PPP3CA: variants seen among roughly 807,000 people sequenced by gnomAD.
PPP3CA encodes the protein protein phosphatase 3 catalytic subunit alpha, also known as CAM-PRP catalytic subunit.
In PPP3CA, 14 loss-of-function variants were observed where a neutral mutation model predicts 66.5. The observed-to-expected ratio is 0.21, with a 90% CI of 0.14 to 0.33. The LOEUF (loss-of-function observed/expected upper bound fraction) is 0.33. PPP3CA is among the 10% of genes least tolerant of loss of function. PPP3CA has a pLI of 1.00. For missense variants in PPP3CA, 317 were observed against 639.5 expected (o/e 0.50, Z 5.44); for synonymous variants, 232 against 226.2 (o/e 1.03, Z -0.23).
At chr4:101,088,823 G>A (rs897076123) in intron 6 of PPP3CA, among the ~76,000 whole-genome samples, 1 of 152,266 alleles carries the variant, frequency 6.6e-6, no homozygotes, top group African/African-American at 2.4e-5. Flanking sequence ...TTCACAGTGG[G>A]AAAGAGGAAA....
intron 5 of PPP3CA, among the ~76,000 whole-genome samples, chr4:101,095,737 C>T (rs143068576): frequency 0.052 from 7,954 of 152,178 alleles, 752 homozygotes; most frequent in African/African-American, 0.18. Context: ...CAGCAACCTC[C>T]ACCTCCCAGG....
At chr4:101,189,543 G>A (rs149749680) in intron 2 of PPP3CA, among the ~76,000 whole-genome samples, 289 of 151,920 alleles carry the variant, frequency 1.9e-3, no homozygotes, top group East Asian at 0.014. Flanking sequence ...CTGGCACTTC[G>A]TAGCTGGGTA....
intron 8 of PPP3CA, among the ~76,000 whole-genome samples, chr4:101,066,918 A>G (rs1325253574): frequency 6.6e-6 from 1 of 152,156 alleles, no homozygotes; most frequent in African/African-American, 2.4e-5. Context: ...ATCACTCAAG[A>G]CCACCTCCTG....
At chr4:101,298,372 C>T (rs1402638010) in intron 1 of PPP3CA, among the ~76,000 whole-genome samples, 2 of 148,010 alleles carry the variant, frequency 1.4e-5, no homozygotes, top group East Asian at 3.9e-4. Flanking sequence ...TACAGTTGAC[C>T]CTTTAACAAC....
At chr4:101,254,041 A>G (rs1392580496) in intron 1 of PPP3CA, among the ~76,000 whole-genome samples, 1 of 152,044 alleles carries the variant, frequency 6.6e-6, no homozygotes, top group African/African-American at 2.4e-5. Flanking sequence ...TGTTATACTC[A>G]TGTCAGGTAA....
chr4:101,189,337 T>C (rs1339900400), intron 2 of PPP3CA, among the ~76,000 whole-genome samples: 1 of 152,100 alleles, frequency 6.6e-6, no homozygotes, highest in Non-Finnish European at 1.5e-5. Flanking sequence ...ATAATGCATG[T>C]TTATGTCCTC....
chr4:101,235,416 A>G (rs1726094586), intron 1 of PPP3CA, among the ~76,000 whole-genome samples: 1 of 120,078 alleles, frequency 8.3e-6, no homozygotes, highest in Non-Finnish European at 1.8e-5. Context: ...ACAATATCAG[A>G]ACCTAAACAT....
At position 101,106,458 on chromosome 4, in the gene PPP3CA, A is replaced by AGAAGAGAAGAGAAGAGAAG. The variant is rs1560605216; in HGVS notation, c.384+2495_384+2496insCTTCTCTTCTCTTCTCTTC. ...GAAAGAAAGAAAGAAAGAAAGAGAA[A>AGAAGAGAAGAGAAGAGAAG]AGAAAAGAAAAGAAAAGAAAAGAAA... On this transcript the variant is annotated intron_variant, in intron 3 of 13. Coordinates refer to ENST00000394854, the MANE Select transcript of PPP3CA (RefSeq NM_000944.5). Among the ~76,000 whole-genome samples the AGAAGAGAAGAGAAGAGAAG allele has an allele frequency of 1.2e-3, 40 of 32,716 alleles. 7 individuals carry two copies. The highest frequency in any genetic ancestry group is 3.4e-3 in the African/African-American group (19 of 5,604). The allele number at this position is 32,716 out of a possible 152,430, so 21.5% of individuals were successfully genotyped here. A position where few individuals can be genotyped will look rare whatever the true frequency, so the allele number is the denominator to read the frequency against.
chr4:101,337,259 G>T (rs1729661404), intron 1 of PPP3CA, among the ~76,000 whole-genome samples: 1 of 151,908 alleles, frequency 6.6e-6, no homozygotes, highest in African/African-American at 2.4e-5. Context: ...AGTTGACTGG[G>T]GTGATGAACA....
intron 1 of PPP3CA, among the ~76,000 whole-genome samples, chr4:101,345,518 C>T (rs1729953765): frequency 6.6e-6 from 1 of 152,166 alleles, no homozygotes; most frequent in South Asian, 2.1e-4. Context: ...ATTTCAGAGG[C>T]CCGCTCCCCG....
chr4:101,279,577 T>A (rs1313033616), intron 1 of PPP3CA, among the ~76,000 whole-genome samples: 2 of 152,200 alleles, frequency 1.3e-5, no homozygotes, highest in Non-Finnish European at 2.9e-5. Context: ...AACTGCGTAT[T>A]TTGTATCAGA....
intron 1 of PPP3CA, among the ~76,000 whole-genome samples, chr4:101,274,618 T>C (rs1057426206): frequency 5.3e-5 from 8 of 152,212 alleles, no homozygotes; most frequent in Non-Finnish European, 1.0e-4. Flanking sequence ...CTTTCTTTTT[T>C]ACAAAAATCT....
At chr4:101,324,290 G>A in intron 1 of PPP3CA, among the ~76,000 whole-genome samples, 1 of 151,862 alleles carries the variant, frequency 6.6e-6, no homozygotes, top group East Asian at 1.9e-4. Flanking sequence ...ATGGCAACAG[G>A]GCAAATAAGC....
chr4:101,116,264 T>C (rs1313541541), intron 2 of PPP3CA, among the ~76,000 whole-genome samples: 1 of 152,058 alleles, frequency 6.6e-6, no homozygotes, highest in East Asian at 1.9e-4. Context: ...CTCACTACTT[T>C]CAGCTTCCTT....
intron 2 of PPP3CA, among the ~76,000 whole-genome samples, chr4:101,110,405 C>G (rs569691538): frequency 1.3e-4 from 20 of 152,256 alleles, no homozygotes; most frequent in African/African-American, 4.6e-4. Flanking sequence ...CCTGTCTTTA[C>G]TGTCAAGAAT....
chr4:101,280,614 G>A (rs1727649242), intron 1 of PPP3CA, among the ~76,000 whole-genome samples: 1 of 152,142 alleles, frequency 6.6e-6, no homozygotes, highest in Non-Finnish European at 1.5e-5. Flanking sequence ...GAGGTCAGGA[G>A]TTCGAGACCG....
intron 1 of PPP3CA, among the ~76,000 whole-genome samples, chr4:101,254,795 T>C (rs1454727114): frequency 1.3e-5 from 2 of 151,916 alleles, no homozygotes; most frequent in African/African-American, 4.8e-5. Flanking sequence ...ATAGTCACTA[T>C]GATTGTCTAT....
At chr4:101,307,830 T>C (rs1164003998) in intron 1 of PPP3CA, among the ~76,000 whole-genome samples, 3 of 152,216 alleles carry the variant, frequency 2.0e-5, no homozygotes, top group Admixed American at 1.3e-4. Flanking sequence ...AAGTATACAC[T>C]GCTTTTTTAA....
At chr4:101,146,081 T>C (rs111272085) in intron 2 of PPP3CA, among the ~76,000 whole-genome samples, 1,545 of 152,350 alleles carry the variant, frequency 0.01, 28 homozygotes, top group African/African-American at 0.035. Context: ...TTTAAGTTTA[T>C]GAAGTTTTTC....
Sources: gnomAD v4.1 joint callset for allele counts (sites outside exome capture counted in the v4.1 genomes callset) on GRCh38, gnomAD v4.1.1 for gene constraint, MANE v1.5 for transcripts, NCBI Gene and HGNC (gene_info 2026-07-23, HGNC 2026-07-21) for gene names.